PASD1: variants seen among roughly 807,000 people sequenced by gnomAD.
PASD1 encodes the protein circadian clock protein PASD1.
In PASD1, 13 loss-of-function variants were observed where a neutral mutation model predicts 58.8. That is an observed-to-expected ratio of 0.22 (90% CI 0.14 to 0.35). The LOEUF (loss-of-function observed/expected upper bound fraction) is 0.35, where lower values mean the gene tolerates loss of function less well. Ranked by LOEUF, PASD1 falls within the 10% of genes least tolerant of loss-of-function variation. PASD1 has a pLI of 1.00. For missense variants in PASD1, 734 were observed against 568.3 expected (o/e 1.29, Z -2.96); for synonymous variants, 236 against 216.7 (o/e 1.09, Z -0.78).
Position 151,672,684 on chromosome X carries a change from A to G in PASD1, c.1916+23A>G, listed in dbSNP as rs777045834. ...AAGGTAAGACATGCATGGAATGGTGATAGTGGCTATGATTATTGCTTTTCC... is the reference window on the plus strand; with the variant it reads ...AAGGTAAGACATGCATGGAATGGTGGTAGTGGCTATGATTATTGCTTTTCC... On this transcript the variant is annotated intron_variant, in intron 14 of 15. Transcript: ENST00000370357. 3 of 1,203,963 alleles carry G rather than the reference A, an allele frequency of 2.5e-6. No individual in the cohort carries two copies. The South Asian group carries it at 5.4e-5, about 22-fold the overall frequency.
At chrX:151,633,576 A>C (rs2124282763) in intron 8 of PASD1, among the ~76,000 whole-genome samples, 1 of 111,853 alleles carries the variant, frequency 8.9e-6, no homozygotes, top group Admixed American at 9.5e-5. Flanking sequence ...GGTTTTATAT[A>C]TCATTTTCTT....
At chrX:151,597,560 T>C (rs2013336529) in intron 1 of PASD1, among the ~76,000 whole-genome samples, 1 of 112,205 alleles carries the variant, frequency 8.9e-6, no homozygotes, top group African/African-American at 3.2e-5. Flanking sequence ...ATTAATCTTG[T>C]ATAACAATGC....
intron 8 of PASD1, among the ~76,000 whole-genome samples, chrX:151,641,850 G>A (rs937416525): frequency 1.2e-4 from 13 of 110,946 alleles, no homozygotes; most frequent in Non-Finnish European, 1.9e-4. Flanking sequence ...ACGCGCGCGC[G>A]CGTATACCAG....
At chrX:151,607,060 C>T (rs1326765201) in intron 3 of PASD1, among the ~76,000 whole-genome samples, 1 of 111,806 alleles carries the variant, frequency 8.9e-6, no homozygotes, top group African/African-American at 3.3e-5. Flanking sequence ...ATCCCTTTGT[C>T]GTAATCTTCT....
chrX:151,627,674 C>T (rs1370683562), intron 8 of PASD1, among the ~76,000 whole-genome samples: 9 of 111,512 alleles, frequency 8.1e-5, no homozygotes, highest in Non-Finnish European at 1.1e-4. Flanking sequence ...TATGTGTGCA[C>T]GTGTCTTTAT....
rs369068879 is a variant in PASD1, at chrX:151,656,187, G to A, written c.718-3526G>A. On this transcript the variant is annotated intron_variant, in intron 9 of 15. Transcript: ENST00000370357. ...TGTAGATGTGTGGTATTATTTCTGAGGGCTCTGTTCTGTTCCATTGGTCTA... is the reference window on the plus strand; with the variant it reads ...TGTAGATGTGTGGTATTATTTCTGAAGGCTCTGTTCTGTTCCATTGGTCTA... Among the ~76,000 whole-genome samples, 12 of 111,356 alleles carry A rather than the reference G, an allele frequency of 1.1e-4. No homozygotes were observed. In the East Asian group the frequency reaches 2.8e-3, roughly 26 times the overall value.
At chrX:151,605,237 G>A (rs753076513) in intron 3 of PASD1, among the ~76,000 whole-genome samples, 20 of 111,972 alleles carry the variant, frequency 1.8e-4, no homozygotes, top group Non-Finnish European at 3.4e-4. Context: ...CTTACTTGCT[G>A]TATGTCTTGA....
intron 1 of PASD1, among the ~76,000 whole-genome samples, chrX:151,593,807 G>C (rs1317307638): frequency 9.0e-6 from 1 of 111,130 alleles, no homozygotes; most frequent in Non-Finnish European, 1.9e-5. Context: ...CTAGATCCTT[G>C]AGGAATCATC....
At chrX:151,636,935 C>G (rs1484065999) in intron 8 of PASD1, among the ~76,000 whole-genome samples, 1 of 111,743 alleles carries the variant, frequency 8.9e-6, no homozygotes, top group East Asian at 2.8e-4. Flanking sequence ...ATTTCAACCA[C>G]TGATCTATAC....
intron 9 of PASD1, among the ~76,000 whole-genome samples, chrX:151,658,176 G>C (rs5970087): frequency 0.031 from 3,418 of 111,711 alleles, 103 homozygotes; most frequent in African/African-American, 0.094. Context: ...CACACTATTC[G>C]TGGAGACAAT....
intron 11 of PASD1, among the ~76,000 whole-genome samples, chrX:151,669,542 C>T (rs970684080): frequency 2.8e-5 from 3 of 108,678 alleles, no homozygotes; most frequent in East Asian, 2.8e-4. Context: ...TCTTCATCCC[C>T]CTCTTCCCCA....
chrX:151,637,291 A>G (rs1026132341), intron 8 of PASD1, among the ~76,000 whole-genome samples: 2 of 112,541 alleles, frequency 1.8e-5, no homozygotes, highest in African/African-American at 6.5e-5. Flanking sequence ...GTTCAACTTT[A>G]TAAGAAACTA....
intron 4 of PASD1, among the ~76,000 whole-genome samples, chrX:151,612,082 C>T (rs1056609410): frequency 1.0e-5 from 1 of 98,676 alleles, no homozygotes; most frequent in African/African-American, 3.7e-5. Flanking sequence ...GGTTTTTTGT[C>T]CTTGCCATAG....
At chrX:151,661,777 G>A (rs1230633013) in intron 10 of PASD1, among the ~76,000 whole-genome samples, 2 of 106,374 alleles carry the variant, frequency 1.9e-5, no homozygotes, top group Non-Finnish European at 3.9e-5. Context: ...TTTATCATCC[G>A]ATACTTTTGA....
At chrX:151,608,994 T>C (rs749105474) in intron 3 of PASD1, among the ~76,000 whole-genome samples, 1 of 112,048 alleles carries the variant, frequency 8.9e-6, no homozygotes, top group South Asian at 3.7e-4. Flanking sequence ...TTTCAAAGAA[T>C]TGACTTTTAA....
chrX:151,622,176 G>A (rs779813347), intron 6 of PASD1, among the ~76,000 whole-genome samples: 1 of 111,045 alleles, frequency 9.0e-6, no homozygotes, highest in East Asian at 2.8e-4. Flanking sequence ...AATTTTTGTC[G>A]CGTGTGGATA....
intron 8 of PASD1, among the ~76,000 whole-genome samples, chrX:151,627,610 G>A (rs2013806006): frequency 8.9e-6 from 1 of 111,832 alleles, no homozygotes; most frequent in Admixed American, 9.5e-5. Flanking sequence ...ATCATTGATG[G>A]ACATTTGGGC....
intron 1 of PASD1, among the ~76,000 whole-genome samples, chrX:151,589,352 C>T (rs1290299785): frequency 9.0e-6 from 1 of 111,667 alleles, no homozygotes; most frequent in Non-Finnish European, 1.9e-5. Context: ...ACAGTTCTCT[C>T]ATTGTTGCAA....
intron 1 of PASD1, among the ~76,000 whole-genome samples, chrX:151,568,445 C>T (rs947259459): frequency 4.5e-5 from 5 of 111,623 alleles, no homozygotes; most frequent in African/African-American, 1.6e-4. Flanking sequence ...GAGCTAAGGG[C>T]CATCAGCTCT....
Sources: gnomAD v4.1 joint callset for allele counts (sites outside exome capture counted in the v4.1 genomes callset) on GRCh38, gnomAD v4.1.1 for gene constraint, MANE v1.5 for transcripts, NCBI Gene and HGNC (gene_info 2026-07-23, HGNC 2026-07-21) for gene names.